TMLHE: variants seen among roughly 807,000 people sequenced by gnomAD.
TMLHE encodes trimethyllysine hydroxylase, epsilon, also known as trimethyllysine dioxygenase, mitochondrial.
In TMLHE, 18 loss-of-function variants were observed where a neutral mutation model predicts 25.7. The ratio of observed to expected loss-of-function variants is 0.70; its 90% CI spans 0.48 to 1.04. The LOEUF (loss-of-function observed/expected upper bound fraction) is 1.04, where lower values mean the gene tolerates loss of function less well. Ranked by LOEUF, TMLHE falls within the 50% of genes least tolerant of loss-of-function variation. The pLI is 0.00. For synonymous variants in TMLHE, 105 were observed against 97.0 expected, an observed-to-expected ratio of 1.08 and a Z score of -0.49; for missense variants, 236 against 259.0, an observed-to-expected ratio of 0.91 and a Z score of 0.61.
intron 1 of TMLHE, among the ~76,000 whole-genome samples, chrX:155,548,090 A>G (rs782129157): frequency 9.8e-5 from 11 of 111,926 alleles, no homozygotes; most frequent in Non-Finnish European, 9.4e-5. Flanking sequence ...TACAAAAAAT[A>G]CAATCTAAGT....
At chrX:155,599,503 T>C (rs951060338) in intron 1 of TMLHE, among the ~76,000 whole-genome samples, 4 of 111,797 alleles carry the variant, frequency 3.6e-5, no homozygotes, top group African/African-American at 1.3e-4. Context: ...TAATAGGTGA[T>C]AGAAGCAAAA....
intron 1 of TMLHE, among the ~76,000 whole-genome samples, chrX:155,596,113 G>A (rs1328429671): frequency 3.6e-5 from 4 of 111,975 alleles, no homozygotes; most frequent in African/African-American, 1.3e-4. Context: ...TAACTCTACC[G>A]CTTTGTGCAA....
intron 1 of TMLHE, among the ~76,000 whole-genome samples, chrX:155,608,489 G>A (rs1569562307): frequency 9.0e-6 from 1 of 111,673 alleles, no homozygotes; most frequent in Non-Finnish European, 1.9e-5. Flanking sequence ...TTCTAGACAT[G>A]GGCCCTGTCA....
At chrX:155,591,150 T>C (rs1231474512) in intron 1 of TMLHE, among the ~76,000 whole-genome samples, 2 of 111,382 alleles carry the variant, frequency 1.8e-5, no homozygotes, top group Non-Finnish European at 3.8e-5. Flanking sequence ...AGTAAAATGA[T>C]ACATGCATCT....
chrX:155,550,132 A>G (rs1028060130), intron 1 of TMLHE, among the ~76,000 whole-genome samples: 3 of 110,431 alleles, frequency 2.7e-5, no homozygotes, highest in Non-Finnish European at 5.7e-5. Flanking sequence ...ATTGATGGGC[A>G]TTTCGGTTGT....
chrX:155,586,358 A>G (rs2067664495), intron 1 of TMLHE, among the ~76,000 whole-genome samples: 2 of 111,954 alleles, frequency 1.8e-5, no homozygotes, highest in Non-Finnish European at 3.8e-5. Context: ...GCAAAAGTAC[A>G]GGGTACAGCA....
At chrX:155,553,934 T>C (rs1324747305) in intron 1 of TMLHE, among the ~76,000 whole-genome samples, 1 of 110,821 alleles carries the variant, frequency 9.0e-6, no homozygotes, top group Non-Finnish European at 1.9e-5. Flanking sequence ...GCTATTATTG[T>C]GTATTTTAAT....
intron 1 of TMLHE, among the ~76,000 whole-genome samples, chrX:155,610,728 A>G (rs1221474976): frequency 3.6e-5 from 4 of 111,734 alleles, no homozygotes; most frequent in Non-Finnish European, 5.6e-5. Flanking sequence ...TAGTCATGGG[A>G]CAAAGAGAAG....
chrX:155,555,402 A>C (rs1409154980), intron 1 of TMLHE, among the ~76,000 whole-genome samples: 5 of 110,489 alleles, frequency 4.5e-5, no homozygotes, highest in East Asian at 2.8e-4. Context: ...TAGTAATGGA[A>C]TCACTGGGTC....
intron 1 of TMLHE, among the ~76,000 whole-genome samples, chrX:155,556,135 T>C (rs2067452824): frequency 1.1e-5 from 1 of 90,259 alleles, no homozygotes; most frequent in Non-Finnish European, 2.4e-5. Context: ...ACGTGGCAAG[T>C]AAGGCAGGCA....
chrX:155,548,462 ACG>A (rs1569562065), intron 1 of TMLHE, among the ~76,000 whole-genome samples: 2 of 109,190 alleles, frequency 1.8e-5, no homozygotes, highest in Non-Finnish European at 3.8e-5. Flanking sequence ...CAGGCTGGGC[ACG>A]GTGGCTCATG....
rs375738260 is a variant in TMLHE at position 155,548,604 on chromosome X, A to G, written c.-1-3327T>C. The stretch of plus-strand genomic sequence containing the variant: ...ACAAAAATTAGCCGGGTGTGGTGGC[A>G]CACACCTGTATTCCCAGCTACTCAG... On this transcript the variant is annotated intron_variant, in intron 1 of 7. Coordinates refer to ENST00000334398, the MANE Select transcript of TMLHE (RefSeq NM_018196.4). 1.6e-3 allele frequency among the ~76,000 whole-genome samples: 172 copies of G among 107,243 alleles called. 3 individuals are homozygous for G. Among genetic ancestry groups the G allele is most frequent in the Middle Eastern group, 4.6e-3 (1 of 218 alleles). 93.1% of individuals were successfully genotyped at this position (107,243 alleles called of 115,157 possible).
At chrX:155,591,633 A>C (rs1484645794) in intron 1 of TMLHE, among the ~76,000 whole-genome samples, 2 of 111,844 alleles carry the variant, frequency 1.8e-5, no homozygotes, top group African/African-American at 6.5e-5. Flanking sequence ...TAAAACTAAT[A>C]TACCAAAATT....
intron 1 of TMLHE, among the ~76,000 whole-genome samples, chrX:155,606,933 C>A (rs2067790685): frequency 9.0e-6 from 1 of 110,815 alleles, no homozygotes; most frequent in Non-Finnish European, 1.9e-5. Flanking sequence ...AAATACAAAC[C>A]CTGAGCAGAC....
chrX:155,575,843 G>A (rs1237214182), intron 1 of TMLHE, among the ~76,000 whole-genome samples: 2 of 111,976 alleles, frequency 1.8e-5, no homozygotes, highest in Non-Finnish European at 3.8e-5. Flanking sequence ...GGAGGAAGAT[G>A]CCTCAAAATA....
chrX:155,539,686 G>A (rs781994506), intron 2 of TMLHE, among the ~76,000 whole-genome samples: 14 of 111,193 alleles, frequency 1.3e-4, no homozygotes, highest in Non-Finnish European at 1.1e-4. Context: ...TAAACCTCCA[G>A]AAAGCACCCC....
intron 1 of TMLHE, among the ~76,000 whole-genome samples, chrX:155,584,906 T>C (rs2067654702): frequency 9.1e-6 from 1 of 110,433 alleles, no homozygotes; most frequent in African/African-American, 3.3e-5. Flanking sequence ...GAAAGCAAAA[T>C]GACAGTATTT....
At chrX:155,606,704 A>G (rs782473970) in intron 1 of TMLHE, among the ~76,000 whole-genome samples, 20 of 108,292 alleles carry the variant, frequency 1.8e-4, no homozygotes, top group Admixed American at 9.9e-4. Context: ...AGACAGATGG[A>G]CTGCTAGCTA....
chrX:155,531,149 G>T (rs1197932123), intron 2 of TMLHE, among the ~76,000 whole-genome samples: 1 of 112,282 alleles, frequency 8.9e-6, no homozygotes, highest in Non-Finnish European at 1.9e-5. Flanking sequence ...CATGTCTCTG[G>T]ATGAAAATGA....
Sources: allele counts gnomAD v4.1 joint callset (sites outside exome capture counted in the v4.1 genomes callset), GRCh38; gene constraint gnomAD v4.1.1; transcripts MANE v1.5; gene names NCBI Gene and HGNC (gene_info 2026-07-23, HGNC 2026-07-21).